The following AFF1 variants were observed in gnomAD, a reference collection of about 807,000 sequenced individuals.
AFF1 encodes the protein ALF transcription elongation factor 1, also known as AF4/FMR2 family member 1.
Under a neutral mutation model 121.7 loss-of-function variants are expected in AFF1, and 48 were observed. The ratio of observed to expected loss-of-function variants is 0.39; its 90% CI spans 0.31 to 0.50. The LOEUF (loss-of-function observed/expected upper bound fraction) is 0.50. Among genes scored for constraint, AFF1 ranks in the 20% least tolerant of loss-of-function variants. The pLI is 0.76. For synonymous variants in AFF1, 613 were observed against 563.0 expected (o/e 1.09, Z -1.26); for missense variants, 1,523 against 1,511.7 (o/e 1.01, Z -0.12).
At chr4:86,961,661 C>CA (rs3839151) in intron 2 of AFF1, among the ~76,000 whole-genome samples, 49,274 of 144,580 alleles carry the variant, frequency 0.34, 9,254 homozygotes, top group South Asian at 0.51. Context: ...ATTAGTTACC[C>CA]AAAAAAAAAA....
chr4:87,118,138 AG>A (rs879451876), intron 12 of AFF1, among the ~76,000 whole-genome samples: 4 of 152,282 alleles, frequency 2.6e-5, no homozygotes, highest in Non-Finnish European at 5.9e-5. Context: ...AAGGCCTCTT[AG>A]AGTCTGTCCC....
At chr4:86,984,034 C>T (rs1204171797) in intron 2 of AFF1, among the ~76,000 whole-genome samples, 1 of 151,380 alleles carries the variant, frequency 6.6e-6, no homozygotes, top group African/African-American at 2.4e-5. Flanking sequence ...GAGACTCCAT[C>T]TCAAAAAAAA....
chr4:87,133,108 T>C (rs191966951), intron 19 of AFF1, among the ~76,000 whole-genome samples: 2 of 152,360 alleles, frequency 1.3e-5, no homozygotes, highest in African/African-American at 4.8e-5. Flanking sequence ...CTTCTTGGCA[T>C]TTCAGTAAAC....
chr4:86,998,833 A>T (rs1480813732), intron 2 of AFF1, among the ~76,000 whole-genome samples: 1 of 152,196 alleles, frequency 6.6e-6, no homozygotes, highest in Non-Finnish European at 1.5e-5. Flanking sequence ...AAGTATCTAA[A>T]GTGAGCTCTT....
At chr4:87,122,040 G>A (rs1472281071) in intron 12 of AFF1, among the ~76,000 whole-genome samples, 3 of 152,236 alleles carry the variant, frequency 2.0e-5, no homozygotes, top group Non-Finnish European at 4.4e-5. Context: ...TTAATGCTTA[G>A]TTTTGCCTTG....
chr4:87,006,882 T>C (rs1425730093), intron 2 of AFF1: 3 of 890,496 alleles, frequency 3.4e-6, no homozygotes, highest in Non-Finnish European at 4.1e-6. Flanking sequence ...TGCCTTTGGC[T>C]AGGGCCGCCG....
At chr4:86,970,809 C>T (rs917200411) in intron 2 of AFF1, among the ~76,000 whole-genome samples, 1 of 151,900 alleles carries the variant, frequency 6.6e-6, no homozygotes, top group African/African-American at 2.4e-5. Context: ...ACTTTGCAGG[C>T]GAGGGGGAGC....
intron 5 of AFF1, among the ~76,000 whole-genome samples, chr4:87,085,458 TAG>T (rs1204459259): frequency 6.6e-6 from 1 of 151,630 alleles, no homozygotes; most frequent in African/African-American, 2.4e-5. Flanking sequence ...TTTTAATTAG[TAG>T]AGAGATGTAT....
intron 4 of AFF1, among the ~76,000 whole-genome samples, chr4:87,066,154 T>A (rs1196048459): frequency 6.6e-6 from 1 of 152,194 alleles, no homozygotes; most frequent in Non-Finnish European, 1.5e-5. Context: ...ACTTATTGAT[T>A]GGCACTGTGG....
At chr4:86,949,763 TG>T in intron 2 of AFF1, 2 of 1,612,348 alleles carry the variant, frequency 1.2e-6, no homozygotes, top group East Asian at 2.2e-5. Flanking sequence ...GATGGTCATC[TG>T]GGTGAAGCCC....
intron 6 of AFF1, among the ~76,000 whole-genome samples, chr4:87,091,021 C>CAAA (rs72486264): frequency 2.2e-4 from 14 of 64,810 alleles, no homozygotes; most frequent in Admixed American, 4.3e-4. Flanking sequence ...TCTCTACCAC[C>CAAA]AAAAAAAAAA....
chr4:86,944,257 T>A (rs898776797), intron 1 of AFF1, among the ~76,000 whole-genome samples: 1 of 152,028 alleles, frequency 6.6e-6, no homozygotes, highest in Non-Finnish European at 1.5e-5. Context: ...ATGTTTACCA[T>A]GAGCCAGTCA....
chr4:87,134,729 G>A (rs759964705), intron 20 of AFF1, 35 bp downstream of exon 20: 1 of 1,542,030 alleles, frequency 6.5e-7, no homozygotes, highest in South Asian at 1.1e-5. Context: ...AATTACTGGG[G>A]TGTTTGGATT....
intron 2 of AFF1, among the ~76,000 whole-genome samples, chr4:86,982,449 C>A (rs2149492167): frequency 7.7e-6 from 1 of 129,766 alleles, no homozygotes; most frequent in East Asian, 2.3e-4. Flanking sequence ...GTATCCCCCT[C>A]CCAAATTTAT....
chr4:87,081,151 A>AGTTTTTTTTTTTTTTTTT (rs1560606159), intron 4 of AFF1, among the ~76,000 whole-genome samples: 1 of 101,666 alleles, frequency 9.8e-6, no homozygotes, highest in Non-Finnish European at 1.9e-5. Context: ...TAATGAAATG[A>AGTTTTTTTTTTTTTTTTT]ATTTTTTTTT....
intron 2 of AFF1, chr4:87,007,276 C>G (rs1186411820): frequency 2.6e-6 from 4 of 1,552,214 alleles, no homozygotes; most frequent in South Asian, 1.2e-5. Context: ...CAGGTAGTCC[C>G]GTAACATCGG....
chr4:87,125,079 G>A lies in AFF1; in HGVS notation c.2509G>A (p.Glu837Lys). The change falls in exon 13 of 21, where the codon GAG becomes AAG. Residue 837 changes from glutamate to lysine, a missense_variant. Transcript: ENST00000395146. ...RDCDNKKIRLEKEIKSQSSSS... is the reference protein window; with the variant it reads ...RDCDNKKIRLKKEIKSQSSSS... Reference sequence around the variant, plus strand: ...CTGTGATAACAAGAAAATCAGACTGGAGAAGGAAATCAAATCACAGTCATC... The same window carrying A: ...CTGTGATAACAAGAAAATCAGACTGAAGAAGGAAATCAAATCACAGTCATC... The A allele has an allele frequency of 6.2e-7, 1 of 1,609,894 alleles. No homozygotes were observed. The highest frequency in any genetic ancestry group is 8.5e-7 in the Non-Finnish European group (1 of 1,177,798).
chr4:87,025,682 G>A (rs995972407), intron 2 of AFF1, among the ~76,000 whole-genome samples: 2 of 152,172 alleles, frequency 1.3e-5, no homozygotes, highest in Non-Finnish European at 2.9e-5. Flanking sequence ...ATCTCAGATA[G>A]AGGCTAGGGA....
intron 12 of AFF1, among the ~76,000 whole-genome samples, chr4:87,122,506 A>G (rs1018340861): frequency 2.0e-5 from 3 of 152,330 alleles, no homozygotes; most frequent in Middle Eastern, 6.8e-3. Context: ...AGGATCTGCT[A>G]TGGGTCCATG....
Sources: gnomAD v4.1 joint callset for allele counts (sites outside exome capture counted in the v4.1 genomes callset) on GRCh38, gnomAD v4.1.1 for gene constraint, MANE v1.5 for transcripts, NCBI Gene and HGNC (gene_info 2026-07-23, HGNC 2026-07-21) for gene names.